STAU1: variants seen among roughly 807,000 people sequenced by gnomAD.
STAU1 encodes the protein staufen double-stranded RNA binding protein 1.
A neutral mutation model predicts 62.9 loss-of-function variants in STAU1; 13 were observed. That is an observed-to-expected ratio of 0.21 (90% CI 0.13 to 0.33). STAU1 has a LOEUF of 0.33. STAU1 is among the 10% of genes least tolerant of loss of function. STAU1 has a pLI of 1.00. For synonymous variants in STAU1, 269 were observed against 265.1 expected, an observed-to-expected ratio of 1.01 and a Z score of -0.14; for missense variants, 571 against 712.1, an observed-to-expected ratio of 0.80 and a Z score of 2.25.
chr20:49,189,004 T>C (rs2093823209), upstream of STAU1, among the ~76,000 whole-genome samples: 1 of 149,346 alleles, frequency 6.7e-6, no homozygotes, highest in African/African-American at 2.5e-5. Flanking sequence ...ATCGAGACCA[T>C]CCTGGCTACC....
intron 3 of STAU1, among the ~76,000 whole-genome samples, chr20:49,163,417 AC>A (rs2093478847): frequency 3.1e-5 from 4 of 128,242 alleles, no homozygotes; most frequent in African/African-American, 1.2e-4. Context: ...AAGTGTTTAA[AC>A]CTTTTTTTTT....
intron 1 of STAU1, among the ~76,000 whole-genome samples, chr20:49,187,056 G>A (rs2093796836): frequency 6.6e-6 from 1 of 152,142 alleles, no homozygotes; most frequent in East Asian, 1.9e-4. Context: ...ACTTATCGAG[G>A]TGTAGAGCAA....
chr20:49,202,470 A>G, the STAU1 span, among the ~76,000 whole-genome samples: 11 of 151,794 alleles, frequency 7.2e-5, no homozygotes, highest in Admixed American at 5.3e-4. Context: ...AGGCTGAGGC[A>G]GGAGACTTGC....
chr20:49,204,622 A>G, the STAU1 span, among the ~76,000 whole-genome samples: 1,969 of 39,994 alleles, frequency 0.049, 128 homozygotes, highest in African/African-American at 0.14. Flanking sequence ...ATATATATAT[A>G]TGTGTATATA....
At chr20:49,207,644 T>C in the STAU1 span, among the ~76,000 whole-genome samples, 1 of 151,374 alleles carries the variant, frequency 6.6e-6, no homozygotes, top group African/African-American at 2.4e-5. Flanking sequence ...CCCTCCCGAG[T>C]AGCTGGCATT....
chr20:49,128,849 T>C (rs1357288729), intron 6 of STAU1, among the ~76,000 whole-genome samples: 3 of 149,380 alleles, frequency 2.0e-5, no homozygotes, highest in Non-Finnish European at 4.4e-5. Flanking sequence ...AAATGAATTA[T>C]AAACCTAAAT....
At chr20:49,124,925 T>C (rs868195872) in intron 6 of STAU1, among the ~76,000 whole-genome samples, 14 of 151,744 alleles carry the variant, frequency 9.2e-5, no homozygotes, top group Non-Finnish European at 1.8e-4. Context: ...CAGAAATAAA[T>C]GCAGTACAAA....
chr20:49,165,658 T>C (rs2093514428), intron 3 of STAU1, among the ~76,000 whole-genome samples: 1 of 152,340 alleles, frequency 6.6e-6, no homozygotes, highest in South Asian at 2.1e-4. Flanking sequence ...TAATTTTAAA[T>C]GCAGAATTAT....
intron 3 of STAU1, among the ~76,000 whole-genome samples, chr20:49,156,785 T>G (rs939334551): frequency 2.0e-5 from 3 of 152,216 alleles, no homozygotes; most frequent in Non-Finnish European, 4.4e-5. Context: ...TGGTCTTATC[T>G]TGATAATTCA....
chr20:49,175,479 T>C (rs2093647936), intron 1 of STAU1, among the ~76,000 whole-genome samples: 1 of 152,088 alleles, frequency 6.6e-6, no homozygotes, highest in Non-Finnish European at 1.5e-5. Flanking sequence ...TTAGGCTTTG[T>C]TTGTTCAGGT....
At chr20:49,210,735 G>T in the STAU1 span, among the ~76,000 whole-genome samples, 1 of 152,100 alleles carries the variant, frequency 6.6e-6, no homozygotes, top group Non-Finnish European at 1.5e-5. Context: ...TGGTAAAAAT[G>T]ACTTTTCTAT....
rs544768479 is a variant in STAU1 at position 49,121,263 on chromosome 20, T to TG, written c.967-1136dup. Among the ~76,000 whole-genome samples, 19 of 152,030 alleles carry TG rather than the reference T, an allele frequency of 1.2e-4. No individual in the cohort carries two copies. The South Asian group carries it at 4.0e-3, about 32-fold the overall frequency. On this transcript the variant is annotated intron_variant, in intron 8 of 13. Coordinates refer to ENST00000371856, the MANE Select transcript of STAU1 (RefSeq NM_017453.4). ...CTCTACTAAAAATACAAAAAGTAGCTGGGCGTGATGGTGGGCACCCGTGAA... is the reference window on the plus strand; with the variant it reads ...CTCTACTAAAAATACAAAAAGTAGCTGGGGCGTGATGGTGGGCACCCGTGAA...
chr20:49,207,029 C>CA, the STAU1 span, among the ~76,000 whole-genome samples: 2 of 151,718 alleles, frequency 1.3e-5, no homozygotes, highest in African/African-American at 4.8e-5. Context: ...GCTGGGATTA[C>CA]AGGCGTCAGC....
At chr20:49,179,771 A>G (rs541760172) in intron 1 of STAU1, among the ~76,000 whole-genome samples, 1 of 152,382 alleles carries the variant, frequency 6.6e-6, no homozygotes, top group South Asian at 2.1e-4. Flanking sequence ...AGATCTAGTT[A>G]GATCCTAAAG....
rs1410059364 is a variant in STAU1, at chr20:49,114,373, C to T, written c.*505G>A. On this transcript the variant is annotated 3_prime_UTR_variant, in exon 14 of 14. Transcript: ENST00000371856. ...CAGGAGGTGGTGGGGCCGTGGCACA[C>T]TAGAAAAGTTGGGTCACGCTGAGTA... The T allele has an allele frequency of 6.5e-6, 1 of 154,990 alleles. No individual in the cohort carries two copies. Among genetic ancestry groups the T allele is most frequent in the African/African-American group, 2.4e-5 (1 of 41,516 alleles). The allele number at this position is 154,990 out of a possible 1,614,324, so 9.6% of individuals were successfully genotyped here. A position where few individuals can be genotyped will look rare whatever the true frequency, so the allele number is the denominator to read the frequency against.
intron 1 of STAU1, among the ~76,000 whole-genome samples, chr20:49,177,779 A>T (rs1310317311): frequency 1.3e-5 from 2 of 152,234 alleles, no homozygotes; most frequent in African/African-American, 4.8e-5. Context: ...GCTAAAAAAT[A>T]ACCATCATCA....
intron 2 of STAU1, among the ~76,000 whole-genome samples, 172 bp downstream of exon 2, chr20:49,174,023 T>C (rs763394430): frequency 6.6e-6 from 1 of 152,256 alleles, no homozygotes; most frequent in Non-Finnish European, 1.5e-5. Context: ...ACTTTTCCTG[T>C]ACTTACTTTC....
At chr20:49,219,044 A>C in the STAU1 span, among the ~76,000 whole-genome samples, 1 of 151,786 alleles carries the variant, frequency 6.6e-6, no homozygotes, top group Non-Finnish European at 1.5e-5. Flanking sequence ...AAAAGACAAA[A>C]AATTACTTAG....
intron 5 of STAU1, among the ~76,000 whole-genome samples, chr20:49,150,267 C>T (rs1009240447): frequency 6.6e-6 from 1 of 152,156 alleles, no homozygotes; most frequent in Non-Finnish European, 1.5e-5. Flanking sequence ...ACAATCCTTT[C>T]ATCATCTGGA....
Sources: allele counts gnomAD v4.1 joint callset (sites outside exome capture counted in the v4.1 genomes callset), GRCh38; gene constraint gnomAD v4.1.1; transcripts MANE v1.5; gene names NCBI Gene and HGNC (gene_info 2026-07-23, HGNC 2026-07-21).